The following ACBD6 variants were observed in gnomAD, a reference collection of about 807,000 sequenced individuals.
The protein encoded by ACBD6 is acyl-CoA binding domain containing 6.
ACBD6 carries 28 observed loss-of-function variants against 37.2 expected under a neutral mutation model. The ratio of observed to expected loss-of-function variants is 0.75; its 90% CI spans 0.56 to 1.03. The LOEUF is 1.03. Ranked by LOEUF, ACBD6 falls within the 50% of genes least tolerant of loss-of-function variation. ACBD6 has a pLI of 0.00. For missense variants in ACBD6, 340 were observed against 337.4 expected, an observed-to-expected ratio of 1.01 and a Z score of -0.06; for synonymous variants, 113 against 126.8, an observed-to-expected ratio of 0.89 and a Z score of 0.73.
intron 4 of ACBD6, among the ~76,000 whole-genome samples, chr1:180,424,920 T>A (rs1648522310): frequency 1.3e-5 from 2 of 152,140 alleles, no homozygotes; most frequent in Admixed American, 1.3e-4. Flanking sequence ...AGGGTGAATA[T>A]GAGAGCCAGG....
chr1:180,458,445 T>A (rs1021858918), intron 3 of ACBD6, among the ~76,000 whole-genome samples: 1 of 152,182 alleles, frequency 6.6e-6, no homozygotes, highest in African/African-American at 2.4e-5. Flanking sequence ...AATTTAGGTA[T>A]GTTGTCATAT....
chr1:180,298,703 A>G (rs567392252), intron 7 of ACBD6, among the ~76,000 whole-genome samples: 2 of 152,346 alleles, frequency 1.3e-5, no homozygotes, highest in South Asian at 4.1e-4. Flanking sequence ...AATGTGAGAT[A>G]TGAATTTGGA....
intron 7 of ACBD6, among the ~76,000 whole-genome samples, chr1:180,302,431 T>C (rs745549523): frequency 6.6e-6 from 1 of 152,154 alleles, no homozygotes; most frequent in Non-Finnish European, 1.5e-5. Context: ...TTAGGATAGT[T>C]CGCTCTTCCT....
intron 3 of ACBD6, among the ~76,000 whole-genome samples, chr1:180,449,155 AAG>A (rs1245160117): frequency 1.3e-5 from 2 of 152,192 alleles, no homozygotes; most frequent in African/African-American, 2.4e-5. Flanking sequence ...GATTTCATGA[AAG>A]AGAGATTTAG....
chr1:180,352,914 C>T (rs1652469617), intron 6 of ACBD6, among the ~76,000 whole-genome samples: 1 of 152,152 alleles, frequency 6.6e-6, no homozygotes, highest in Non-Finnish European at 1.5e-5. Context: ...GTAGCTTGTT[C>T]GTGGTATGTC....
At chr1:180,447,897 T>C (rs968289479) in intron 3 of ACBD6, among the ~76,000 whole-genome samples, 4 of 151,838 alleles carry the variant, frequency 2.6e-5, no homozygotes, top group Admixed American at 1.3e-4. Flanking sequence ...TGATCTCATG[T>C]GTACAAAAAA....
intron 7 of ACBD6, among the ~76,000 whole-genome samples, chr1:180,296,006 G>A (rs1649902096): frequency 6.6e-6 from 1 of 152,166 alleles, no homozygotes; most frequent in African/African-American, 2.4e-5. Flanking sequence ...CAAAAGCTAG[G>A]CTTTTGTGCC....
At chr1:180,466,163 A>G (rs998787346) in intron 3 of ACBD6, among the ~76,000 whole-genome samples, 73 of 152,194 alleles carry the variant, frequency 4.8e-4, no homozygotes, top group African/African-American at 1.7e-3. Flanking sequence ...TTTTAAAAGA[A>G]AAAATAAAGT....
chr1:180,274,528 T>C, intron 10 of ACBD6: 1 of 1,605,788 alleles, frequency 6.2e-7, no homozygotes. Flanking sequence ...ATCCCGACTT[T>C]CCAACTAGCC....
At chr1:180,330,961 T>A (rs1209120082) in intron 6 of ACBD6, among the ~76,000 whole-genome samples, 1 of 152,202 alleles carries the variant, frequency 6.6e-6, no homozygotes, top group Non-Finnish European at 1.5e-5. Context: ...CATTCCAAAT[T>A]TGCCATCAGG....
chr1:180,476,393 A>T (rs907915271), intron 3 of ACBD6, among the ~76,000 whole-genome samples: 5 of 149,794 alleles, frequency 3.3e-5, no homozygotes, highest in African/African-American at 4.9e-5. Context: ...AATGGGTTAA[A>T]TTTTTTTTTT....
intron 6 of ACBD6, among the ~76,000 whole-genome samples, chr1:180,332,564 T>C (rs1375894873): frequency 4.6e-5 from 7 of 151,986 alleles, no homozygotes; most frequent in African/African-American, 1.2e-4. Flanking sequence ...CTAAGTTGTA[T>C]GCTCCTTATG....
Position 180,459,967 on chromosome 1 carries a change from C to CT in ACBD6, c.385-29706dup, listed in dbSNP as rs67323272. ...CTACAAAAGCATGACCAGACTGCTT[C>CT]TTTTTTTTTTTTTTTTTTTTTTTTT... On this transcript the variant is annotated intron_variant, in intron 3 of 7. Transcript: ENST00000367595. Among the ~76,000 whole-genome samples the CT allele has an allele frequency of 5.4e-3, 587 of 107,940 alleles. 5 individuals carry two copies. The highest frequency in any genetic ancestry group is 0.018 in the East Asian group (63 of 3,462). The allele number at this position is 107,940 out of a possible 152,430, so 70.8% of individuals were successfully genotyped here.
intron 6 of ACBD6, among the ~76,000 whole-genome samples, chr1:180,335,452 A>G (rs1332552652): frequency 6.6e-6 from 1 of 152,162 alleles, no homozygotes. Flanking sequence ...TTTACAGACA[A>G]GCAAATGCTG....
chr1:180,467,472 A>AAAAAAAAAAAAAAAAAAAAAAAC (rs370655998), intron 3 of ACBD6, among the ~76,000 whole-genome samples: 1 of 114,544 alleles, frequency 8.7e-6, no homozygotes, highest in Non-Finnish European at 1.7e-5. Context: ...AAAAAAAAAA[A>AAAAAAAAAAAAAAAAAAAAAAAC]CAAAAACAAA....
At chr1:180,322,477 C>T (rs561061113) in intron 6 of ACBD6, among the ~76,000 whole-genome samples, 66 of 152,066 alleles carry the variant, frequency 4.3e-4, no homozygotes, top group Non-Finnish European at 6.3e-4. Context: ...AGTGAAGCCA[C>T]GAGGTCCTAG....
At chr1:180,291,361 A>ACCCTTACCAGCACTTTACT (rs2149278257) in intron 7 of ACBD6, among the ~76,000 whole-genome samples, 1 of 152,270 alleles carries the variant, frequency 6.6e-6, no homozygotes, top group South Asian at 2.1e-4. Context: ...GTTCCTTTGC[A>ACCCTTACCAGCACTTTACT]CCCTTACCAG....
At chr1:180,399,946 T>TA (rs1279091682) in intron 5 of ACBD6, among the ~76,000 whole-genome samples, 1 of 152,134 alleles carries the variant, frequency 6.6e-6, no homozygotes. Context: ...ATAGGGTACT[T>TA]ACAAAAACTA....
chr1:180,461,711 T>C (rs1650154346), intron 3 of ACBD6, among the ~76,000 whole-genome samples: 1 of 152,144 alleles, frequency 6.6e-6, no homozygotes, highest in South Asian at 2.1e-4. Flanking sequence ...GAAAAGTAAA[T>C]GCTAAGGGAC....
Sources: gnomAD v4.1 joint callset for allele counts (sites outside exome capture counted in the v4.1 genomes callset) on GRCh38, gnomAD v4.1.1 for gene constraint, MANE v1.5 for transcripts, NCBI Gene and HGNC (gene_info 2026-07-23, HGNC 2026-07-21) for gene names.